The following CECR2 variants were observed in gnomAD, a reference collection of about 807,000 sequenced individuals.
The protein encoded by CECR2 is chromatin remodeling regulator CECR2.
A neutral mutation model predicts 154.5 loss-of-function variants in CECR2; 30 were observed. That is an observed-to-expected ratio of 0.19 (90% CI 0.15 to 0.26). The LOEUF is 0.26. Ranked by LOEUF, CECR2 falls within the 10% of genes least tolerant of loss-of-function variation. The probability of loss-of-function intolerance (pLI) is 1.00; values close to 1 mark genes in which losing one functional copy is unlikely to be tolerated. For synonymous variants in CECR2, 725 were observed against 683.7 expected (o/e 1.06, Z -0.94); for missense variants, 1,743 against 1,829.3 (o/e 0.95, Z 0.86).
chr22:17,383,498 A>G (rs976544646), intron 1 of CECR2, among the ~76,000 whole-genome samples: 3 of 152,256 alleles, frequency 2.0e-5, no homozygotes, highest in Non-Finnish European at 4.4e-5. Context: ...CAGGAATAAT[A>G]CATTGTGCCT....
At chr22:17,497,117 G>A (rs5747205) in intron 2 of CECR2, among the ~76,000 whole-genome samples, 14,002 of 152,116 alleles carry the variant, frequency 0.092, 1,143 homozygotes, top group East Asian at 0.44. Context: ...AACATAGGGA[G>A]ACCCCTGTCT....
chr22:17,496,768 G>A (rs375737278), intron 2 of CECR2, among the ~76,000 whole-genome samples: 45 of 152,256 alleles, frequency 3.0e-4, no homozygotes, highest in East Asian at 2.9e-3. Context: ...TCAGTTGTAC[G>A]CGTAGCGGGT....
chr22:17,480,187 C>CT (rs2055283048), intron 2 of CECR2, among the ~76,000 whole-genome samples: 2 of 151,866 alleles, frequency 1.3e-5, no homozygotes, highest in Admixed American at 1.3e-4. Context: ...TTATCTATCT[C>CT]TTTTTTCAGT....
At chr22:17,406,350 G>A (rs931191749) in intron 1 of CECR2, among the ~76,000 whole-genome samples, 11 of 151,858 alleles carry the variant, frequency 7.2e-5, no homozygotes, top group South Asian at 4.2e-4. Flanking sequence ...ACGAAACCCC[G>A]TCTCTACTAA....
intron 16 of CECR2, among the ~76,000 whole-genome samples, chr22:17,547,038 C>CA (rs1167599171): frequency 0.094 from 5,042 of 53,458 alleles, 278 homozygotes; most frequent in East Asian, 0.18. Context: ...GACTCTGCCT[C>CA]AAAAAAAAAA....
In CECR2 at chr22:17,490,151, G is replaced by T. The variant is rs1488547764; in HGVS notation, c.222-7252G>T. Among the ~76,000 whole-genome samples the T allele has an allele frequency of 1.5e-3, 232 of 150,272 alleles. 1 individual carries two copies. Among genetic ancestry groups the T allele is most frequent in the African/African-American group, 4.4e-3 (179 of 40,766 alleles). On this transcript the variant is annotated intron_variant, in intron 2 of 18. Transcript: ENST00000262608. ...CTGTTCCTTACTGTTTTTTTTTTGT[G>T]TGTGTGTGTGTGTGTGTTTGGTCTA...
Position 17,502,542 on chromosome 22 carries a change from G to T in CECR2, c.651-540G>T, listed in dbSNP as rs575686618. Among the ~76,000 whole-genome samples the T allele has an allele frequency of 4.6e-5, 7 of 152,290 alleles. No individual in the cohort carries two copies. In the South Asian group the frequency reaches 1.5e-3, roughly 32 times the overall value. On this transcript the variant is annotated intron_variant, in intron 5 of 18. Coordinates refer to ENST00000262608, the MANE Select transcript of CECR2 (RefSeq NM_001290047.2). ...TTTCTGGCTGGGCACGGTGGCTCAC[G>T]CCTGTAATCCCAACACTTTGGGAGG... is the stretch of plus-strand genomic sequence containing the variant.
intron 2 of CECR2, among the ~76,000 whole-genome samples, chr22:17,486,944 A>G (rs1247949270): frequency 2.0e-5 from 3 of 152,062 alleles, no homozygotes; most frequent in African/African-American, 2.4e-5. Context: ...GGGAACCTGC[A>G]TGCTGTGCAA....
intron 10 of CECR2, among the ~76,000 whole-genome samples, chr22:17,538,003 A>C (rs1190202593): frequency 6.6e-6 from 1 of 152,066 alleles, no homozygotes; most frequent in Non-Finnish European, 1.5e-5. Context: ...AAAAAAAAAA[A>C]AAAAAGATTG....
At chr22:17,385,405 A>G (rs1401878319) in intron 1 of CECR2, among the ~76,000 whole-genome samples, 1 of 152,218 alleles carries the variant, frequency 6.6e-6, no homozygotes, top group Non-Finnish European at 1.5e-5. Flanking sequence ...AGGCCATTGT[A>G]GGATTATTAA....
In CECR2 at chr22:17,542,070, C is replaced by G; in HGVS notation, c.2014-87C>G. 3.8e-6 allele frequency: 6 copies of G among 1,568,288 alleles called. No homozygotes were observed. The Middle Eastern group carries it at 5.4e-4, about 141-fold the overall frequency. On this transcript the variant is annotated intron_variant, in intron 15 of 18. Coordinates refer to ENST00000262608, the MANE Select transcript of CECR2 (RefSeq NM_001290047.2). ...AAATGTTGTTCATTGCGTCCTTTCCCAAAGAGTCTGTTCCCATAGAGAAGC... is the reference window on the plus strand; with the variant it reads ...AAATGTTGTTCATTGCGTCCTTTCCGAAAGAGTCTGTTCCCATAGAGAAGC...
intron 1 of CECR2, among the ~76,000 whole-genome samples, chr22:17,434,875 G>C (rs749463487): frequency 1.3e-5 from 2 of 152,136 alleles, no homozygotes; most frequent in Non-Finnish European, 2.9e-5. Context: ...AGGGGGACTT[G>C]AGAGCAGCCA....
At chr22:17,544,943 T>C (rs1240148935) in intron 16 of CECR2, among the ~76,000 whole-genome samples, 1 of 148,940 alleles carries the variant, frequency 6.7e-6, no homozygotes, top group African/African-American at 2.5e-5. Context: ...CTGTACTCCA[T>C]CCTGGGCAAC....
Position 17,553,200 on chromosome 22 carries a change from T to C in CECR2, c.*360T>C. 1 of 211,762 alleles carries C rather than the reference T, an allele frequency of 4.7e-6. No individual in the cohort carries two copies. Among genetic ancestry groups the C allele is most frequent in the Non-Finnish European group, 9.3e-6 (1 of 107,590 alleles). 13.1% of individuals were successfully genotyped at this position (211,762 alleles called of 1,614,324 possible). On this transcript the variant is annotated 3_prime_UTR_variant, in exon 19 of 19. Transcript: ENST00000262608. The stretch of plus-strand genomic sequence containing the variant: ...TATACTCAAGAATGGAGTGGTGCTT[T>C]TAAACTTTGATGAGCAGCTAAACTC...
At chr22:17,447,033 C>CTGTTTTTCTT (rs1339121774) in intron 1 of CECR2, among the ~76,000 whole-genome samples, 5 of 114,104 alleles carry the variant, frequency 4.4e-5, no homozygotes, top group African/African-American at 1.9e-4. Context: ...CGTTTACAAT[C>CTGTTTTTCTT]TTTTTTTTTT....
At chr22:17,429,399 A>G (rs2054383548) in intron 1 of CECR2, among the ~76,000 whole-genome samples, 1 of 151,980 alleles carries the variant, frequency 6.6e-6, no homozygotes, top group African/African-American at 2.4e-5. Flanking sequence ...AGAGCAGGGC[A>G]TATGAAGATC....
chr22:17,505,382 G>A (rs2055821208), intron 7 of CECR2, among the ~76,000 whole-genome samples: 1 of 151,654 alleles, frequency 6.6e-6, no homozygotes, highest in African/African-American at 2.4e-5. Flanking sequence ...TGTCCTTGTA[G>A]CTCCATTGCC....
At chr22:17,539,277 G>A in intron 13 of CECR2, 158 bp downstream of exon 13, 1 of 754,858 alleles carries the variant, frequency 1.3e-6, no homozygotes, top group South Asian at 1.8e-5. Flanking sequence ...CTTATACAGT[G>A]TCTGCCAGGG....
intron 18 of CECR2, 140 bp from the exon 19 acceptor site, chr22:17,552,694 TG>T: frequency 1.3e-6 from 1 of 793,640 alleles, no homozygotes; most frequent in Non-Finnish European, 2.0e-6. Flanking sequence ...ACCTACCCTC[TG>T]GAAGTAAACT....
Sources: gnomAD v4.1 joint callset for allele counts (sites outside exome capture counted in the v4.1 genomes callset) on GRCh38, gnomAD v4.1.1 for gene constraint, MANE v1.5 for transcripts, NCBI Gene and HGNC (gene_info 2026-07-23, HGNC 2026-07-21) for gene names.